ADAMTS2: variants seen among roughly 807,000 people sequenced by gnomAD.
The protein encoded by ADAMTS2 is A disintegrin and metalloproteinase with thrombospondin motifs 2.
ADAMTS2 carries 50 observed loss-of-function variants against 123.0 expected under a neutral mutation model. The observed-to-expected ratio is 0.41, with a 90% CI of 0.32 to 0.51. The LOEUF is 0.51. ADAMTS2 is among the 20% of genes least tolerant of loss of function. The pLI, the probability that ADAMTS2 is intolerant of heterozygous loss-of-function variation, is 0.35. For synonymous variants in ADAMTS2, 678 were observed against 695.4 expected (o/e 0.98, Z 0.39); for missense variants, 1,494 against 1,705.2 (o/e 0.88, Z 2.18).
At chr5:179,140,151 G>T in intron 10 of ADAMTS2, 116 bp from the exon 11 acceptor site, 1 of 1,497,616 alleles carries the variant, frequency 6.7e-7, no homozygotes, top group South Asian at 1.1e-5. Context: ...TGGGGCACAG[G>T]GGGAGCTCAC....
intron 19 of ADAMTS2, among the ~76,000 whole-genome samples, chr5:179,124,476 C>T (rs959118595): frequency 1.3e-4 from 20 of 152,300 alleles, no homozygotes; most frequent in African/African-American, 1.2e-4. Context: ...CCTGGAGCCC[C>T]GAACATCCTA....
At position 179,117,668 on chromosome 5, in the gene ADAMTS2, G is replaced by C. The variant is rs966183376; in HGVS notation, c.3179-3344C>G. Among the ~76,000 whole-genome samples the C allele has an allele frequency of 6.6e-6, 1 of 151,874 alleles. No individual in the cohort carries two copies. The highest frequency in any genetic ancestry group is 1.5e-5 in the Non-Finnish European group (1 of 68,002). On this transcript the variant is annotated intron_variant, in intron 21 of 21. Coordinates refer to ENST00000251582, the MANE Select transcript of ADAMTS2 (RefSeq NM_014244.5). The surrounding 1 kb of genome is among the most constrained non-coding windows in gnomAD (Gnocchi z 4.2). ...CCTGGGTTCAAGAGCCTCCCGAGTA[G>C]CTGGGACTACAGGTGCGTGCCACCA...
At chr5:179,327,597 G>A (rs1047211478) in intron 2 of ADAMTS2, among the ~76,000 whole-genome samples, 6 of 152,162 alleles carry the variant, frequency 3.9e-5, no homozygotes, top group Non-Finnish European at 5.9e-5. Flanking sequence ...CACATCCTGC[G>A]TTCGAAGCTC....
At chr5:179,301,732 G>A (rs961938541) in intron 2 of ADAMTS2, among the ~76,000 whole-genome samples, 3 of 152,278 alleles carry the variant, frequency 2.0e-5, no homozygotes, top group Non-Finnish European at 4.4e-5. Flanking sequence ...TTTTGACGCA[G>A]AACTTGGAGA....
intron 5 of ADAMTS2, among the ~76,000 whole-genome samples, chr5:179,164,458 G>C (rs1470512748): frequency 6.6e-6 from 1 of 152,206 alleles, no homozygotes; most frequent in Non-Finnish European, 1.5e-5. Flanking sequence ...CAGGAGCTGA[G>C]AGGCATCAGG....
chr5:179,317,823 G>A lies in ADAMTS2; in HGVS notation c.534+25944C>T, dbSNP rs1757045654. Reference sequence around the variant, plus strand: ...TGGGGAGAGTGGAGCAGACGTACAGGATGGAGGGTAGAGGTGGGGCTGGTC... The same window carrying A: ...TGGGGAGAGTGGAGCAGACGTACAGAATGGAGGGTAGAGGTGGGGCTGGTC... On this transcript the variant is annotated intron_variant, in intron 2 of 21. Coordinates refer to ENST00000251582, the MANE Select transcript of ADAMTS2 (RefSeq NM_014244.5). This position sits in a 1 kb window ranked among gnomAD's most constrained non-coding sequence, Gnocchi z 4.9. Among the ~76,000 whole-genome samples the A allele has an allele frequency of 6.6e-6, 1 of 152,194 alleles. No homozygotes were observed. The highest frequency in any genetic ancestry group is 2.4e-5 in the African/African-American group (1 of 41,460).
intron 15 of ADAMTS2, among the ~76,000 whole-genome samples, chr5:179,131,306 C>CAAAAAAAAAAAAA (rs553125844): frequency 8.8e-5 from 2 of 22,660 alleles, no homozygotes; most frequent in African/African-American, 2.5e-4. Context: ...GAGCGAGACT[C>CAAAAAAAAAAAAA]AAAAAAAAAA....
In ADAMTS2 at chr5:179,175,262, G is replaced by A. The variant is rs922664655; in HGVS notation, c.975+5810C>T. Reference sequence around the variant, plus strand: ...GTCTCAGCCATGCTTGACCGTTCATGTTCCTTTGGAGGATGTCTCTTCCTT... The same window carrying A: ...GTCTCAGCCATGCTTGACCGTTCATATTCCTTTGGAGGATGTCTCTTCCTT... On this transcript the variant is annotated intron_variant, in intron 5 of 21. Transcript: ENST00000251582. This position sits in a 1 kb window ranked among gnomAD's most constrained non-coding sequence, Gnocchi z 4.1. 2.6e-5 allele frequency among the ~76,000 whole-genome samples: 4 copies of A among 152,006 alleles called. No individual in the cohort carries two copies. The highest frequency in any genetic ancestry group is 5.9e-5 in the Non-Finnish European group (4 of 68,010).
At chr5:179,221,753 C>G (rs1765132856) in intron 3 of ADAMTS2, among the ~76,000 whole-genome samples, 1 of 152,090 alleles carries the variant, frequency 6.6e-6, no homozygotes, top group African/African-American at 2.4e-5. Context: ...CTCACCACGC[C>G]CCCCTCAGCT....
chr5:179,215,794 G>A (rs1764967874), intron 3 of ADAMTS2, among the ~76,000 whole-genome samples: 1 of 152,154 alleles, frequency 6.6e-6, no homozygotes, highest in African/African-American at 2.4e-5. Flanking sequence ...TCAGGTTACA[G>A]GAGAGGTCAT....
chr5:179,329,599 G>C (rs956768000), intron 2 of ADAMTS2, among the ~76,000 whole-genome samples: 1 of 152,144 alleles, frequency 6.6e-6, no homozygotes, highest in Non-Finnish European at 1.5e-5. Context: ...ACATATAATG[G>C]AGTATTTCTT....
chr5:179,121,637 CAG>C, intron 21 of ADAMTS2, 22 bp downstream of exon 21: 3 of 1,584,920 alleles, frequency 1.9e-6, no homozygotes, highest in Non-Finnish European at 2.6e-6. Context: ...AGGGCAGAGG[CAG>C]AGTTATAAAC....
At chr5:179,153,036 T>C (rs1453707144) in intron 9 of ADAMTS2, among the ~76,000 whole-genome samples, 1 of 152,168 alleles carries the variant, frequency 6.6e-6, no homozygotes, top group Non-Finnish European at 1.5e-5. Flanking sequence ...CGATGGCCGG[T>C]TCCTCTGACG....
At chr5:179,156,169 C>T (rs916731388) in intron 6 of ADAMTS2, among the ~76,000 whole-genome samples, 3 of 152,012 alleles carry the variant, frequency 2.0e-5, no homozygotes, top group African/African-American at 4.8e-5. Flanking sequence ...GATCTGAAAG[C>T]GCATCTTTAT....
At position 179,189,548 on chromosome 5, in the gene ADAMTS2, A is replaced by ATG. The variant is rs1303361496; in HGVS notation, c.892-8394_892-8393insCA. ...TTTTTTTTTTTTTTTTAGTAGAGGC[A>ATG]GGGTTTCACAATGTTAGCCAGGATG... On this transcript the variant is annotated intron_variant, in intron 4 of 21. Coordinates refer to ENST00000251582, the MANE Select transcript of ADAMTS2 (RefSeq NM_014244.5). The surrounding 1 kb of genome is among the most constrained non-coding windows in gnomAD (Gnocchi z 4.2). 2.7e-4 allele frequency among the ~76,000 whole-genome samples: 27 copies of ATG among 98,826 alleles called. No individual in the cohort carries two copies. The highest frequency in any genetic ancestry group is 7.9e-4 in the South Asian group (2 of 2,542). The allele number at this position is 98,826 out of a possible 152,430, so 64.8% of individuals were successfully genotyped here.
At chr5:179,200,551 T>C (rs1381642385) in intron 4 of ADAMTS2, among the ~76,000 whole-genome samples, 1 of 152,122 alleles carries the variant, frequency 6.6e-6, no homozygotes, top group Non-Finnish European at 1.5e-5. Context: ...ACTAAGCCTA[T>C]CTTTCCTCTT....
At chr5:179,268,079 C>G (rs1462076654) in intron 3 of ADAMTS2, among the ~76,000 whole-genome samples, 1 of 152,202 alleles carries the variant, frequency 6.6e-6, no homozygotes, top group African/African-American at 2.4e-5. Context: ...ATTTTAACAT[C>G]AGGAAAGTTC....
rs890864711 is a variant in ADAMTS2, at chr5:179,170,490, G to C, written c.975+10582C>G. 4.6e-5 allele frequency among the ~76,000 whole-genome samples: 7 copies of C among 152,198 alleles called. No homozygotes were observed. The highest frequency in any genetic ancestry group is 1.7e-4 in the African/African-American group (7 of 41,528). The stretch of plus-strand genomic sequence containing the variant: ...GAGACGGGGGCCTCATTCCTTGACG[G>C]GAAGCCTGTGGTTCCTTGAAGAGCA... On this transcript the variant is annotated intron_variant, in intron 5 of 21. Coordinates refer to ENST00000251582, the MANE Select transcript of ADAMTS2 (RefSeq NM_014244.5). The surrounding 1 kb of genome is among the most constrained non-coding windows in gnomAD (Gnocchi z 4.3).
intron 5 of ADAMTS2, among the ~76,000 whole-genome samples, chr5:179,173,636 C>G (rs1763870770): frequency 6.6e-6 from 1 of 152,172 alleles, no homozygotes; most frequent in Non-Finnish European, 1.5e-5. Context: ...AAACTTGGCC[C>G]ACAGCTGGGA....
Sources: allele counts gnomAD v4.1 joint callset (sites outside exome capture counted in the v4.1 genomes callset), GRCh38; gene constraint gnomAD v4.1.1; non-coding constraint Gnocchi (gnomAD v3.1); transcripts MANE v1.5; gene names NCBI Gene and HGNC (gene_info 2026-07-23, HGNC 2026-07-21).